GPC6: variants seen among roughly 807,000 people sequenced by gnomAD.
The protein encoded by GPC6 is glypican-6.
In GPC6, 14 loss-of-function variants were observed where a neutral mutation model predicts 55.2. That is an observed-to-expected ratio of 0.25 (90% CI 0.17 to 0.40). GPC6 has a LOEUF of 0.40. Among genes scored for constraint, GPC6 ranks in the 10% least tolerant of loss-of-function variants. The pLI is 1.00. For synonymous variants in GPC6, 278 were observed against 259.6 expected (o/e 1.07, Z -0.68); for missense variants, 641 against 708.5 (o/e 0.90, Z 1.08).
At chr13:93,943,102 C>T (rs909727970) in intron 3 of GPC6, among the ~76,000 whole-genome samples, 1 of 152,106 alleles carries the variant, frequency 6.6e-6, no homozygotes, top group South Asian at 2.1e-4. Context: ...CAGTGTCTTT[C>T]CATTCAGCTA....
chr13:94,174,143 T>G (rs1403595211), intron 4 of GPC6, among the ~76,000 whole-genome samples: 1 of 152,088 alleles, frequency 6.6e-6, no homozygotes, highest in Admixed American at 6.6e-5. Flanking sequence ...ATTACTAAAT[T>G]TTGCACCATG....
chr13:93,222,289 A>G (rs1197515563), upstream of GPC6, among the ~76,000 whole-genome samples: 1 of 152,226 alleles, frequency 6.6e-6, no homozygotes, highest in East Asian at 1.9e-4. Context: ...AAGAGAAAAA[A>G]AATTTAAAAT....
chr13:93,794,976 C>G (rs1886154100), intron 2 of GPC6, among the ~76,000 whole-genome samples: 1 of 152,170 alleles, frequency 6.6e-6, no homozygotes. Context: ...ATGGTAGCCA[C>G]TCTATGGCAA....
chr13:93,410,395 G>A (rs1876451072), intron 1 of GPC6, among the ~76,000 whole-genome samples: 3 of 152,114 alleles, frequency 2.0e-5, no homozygotes, highest in African/African-American at 7.2e-5. Flanking sequence ...AAGTTGAAGA[G>A]CAGCTGGTAA....
intron 2 of GPC6, among the ~76,000 whole-genome samples, chr13:93,676,125 AAATATATATATATATATAT>A (rs1451328536): frequency 0.014 from 476 of 33,996 alleles, 17 homozygotes; most frequent in African/African-American, 0.068. Context: ...AAAAAAAAAA[AAATATATATATATATATAT>A]ATATATATAT....
chr13:93,702,409 G>A (rs1249540613), intron 2 of GPC6, among the ~76,000 whole-genome samples: 2 of 151,986 alleles, frequency 1.3e-5, no homozygotes, highest in East Asian at 1.9e-4. Flanking sequence ...CACAGACAGT[G>A]TAAAGTTAGC....
chr13:93,401,122 G>A (rs1178814112), intron 1 of GPC6, among the ~76,000 whole-genome samples: 8 of 151,438 alleles, frequency 5.3e-5, no homozygotes, highest in Admixed American at 3.3e-4. Flanking sequence ...CAGAAATCAG[G>A]CATTATGAAG....
chr13:93,991,945 G>A (rs1881327953), intron 3 of GPC6, among the ~76,000 whole-genome samples: 2 of 151,908 alleles, frequency 1.3e-5, no homozygotes, highest in Non-Finnish European at 2.9e-5. Flanking sequence ...AACTAGCTTT[G>A]TGTATTTCCA....
At chr13:94,269,048 A>C (rs1388104163) in intron 4 of GPC6, among the ~76,000 whole-genome samples, 3 of 152,098 alleles carry the variant, frequency 2.0e-5, no homozygotes, top group Non-Finnish European at 4.4e-5. Context: ...TATTTTTTTC[A>C]AAATGAGGCG....
intron 4 of GPC6, among the ~76,000 whole-genome samples, chr13:94,084,586 T>TA (rs11310441): frequency 3.7e-4 from 56 of 151,418 alleles, no homozygotes; most frequent in African/African-American, 1.2e-3. Context: ...CTATTTGTGA[T>TA]AAAAAAAAAA....
chr13:94,372,068 C>A (rs1879570664), intron 6 of GPC6, among the ~76,000 whole-genome samples: 1 of 151,960 alleles, frequency 6.6e-6, no homozygotes, highest in Admixed American at 6.6e-5. Context: ...TTCCTTCCCT[C>A]CCTCCTTCCT....
intron 3 of GPC6, among the ~76,000 whole-genome samples, chr13:93,879,836 A>G (rs1268384606): frequency 1.3e-5 from 2 of 152,142 alleles, no homozygotes; most frequent in African/African-American, 2.4e-5. Context: ...GCTAATATCC[A>G]GAATCTACAA....
chr13:94,208,075 G>C (rs1217764350), intron 4 of GPC6, among the ~76,000 whole-genome samples: 1 of 152,144 alleles, frequency 6.6e-6, no homozygotes, highest in East Asian at 1.9e-4. Context: ...TCATTTTTCT[G>C]GCATTACTAG....
intron 3 of GPC6, among the ~76,000 whole-genome samples, chr13:93,943,411 G>T (rs549637056): frequency 6.6e-6 from 1 of 152,076 alleles, no homozygotes; most frequent in Non-Finnish European, 1.5e-5. Context: ...AGCTAGAAAT[G>T]TATATCCCTC....
rs1025619867 is a variant in GPC6 at position 93,492,311 on chromosome 13, G to A, written c.161-52952G>A. On this transcript the variant is annotated intron_variant, in intron 1 of 8. Transcript: ENST00000377047. ...GTGAATGGGAGTTCACTCATGATTTGGCTCTCTGTTTGTCTGTTGTTGGTG... is the reference window on the plus strand; with the variant it reads ...GTGAATGGGAGTTCACTCATGATTTAGCTCTCTGTTTGTCTGTTGTTGGTG... 5.2e-4 allele frequency among the ~76,000 whole-genome samples: 72 copies of A among 138,932 alleles called. 1 individual carries two copies. The East Asian group carries it at 0.015, about 29-fold the overall frequency. The allele number at this position is 138,932 out of a possible 152,430, so 91.1% of individuals were successfully genotyped here. A position where few individuals can be genotyped will look rare whatever the true frequency, so the allele number is the denominator to read the frequency against.
chr13:94,323,817 G>T (rs1011653454), intron 6 of GPC6, among the ~76,000 whole-genome samples: 2 of 152,132 alleles, frequency 1.3e-5, no homozygotes, highest in Non-Finnish European at 2.9e-5. Flanking sequence ...TTTTTTAAAA[G>T]ATTTTTCATT....
intron 3 of GPC6, among the ~76,000 whole-genome samples, chr13:93,873,995 A>G (rs1242125724): frequency 1.3e-5 from 2 of 151,864 alleles, no homozygotes; most frequent in Non-Finnish European, 2.9e-5. Flanking sequence ...GTAGCCTCCT[A>G]TCTGGTCTCC....
At chr13:93,502,704 A>C (rs1221886156) in intron 1 of GPC6, among the ~76,000 whole-genome samples, 1 of 152,212 alleles carries the variant, frequency 6.6e-6, no homozygotes, top group African/African-American at 2.4e-5. Flanking sequence ...TATTATTATC[A>C]TGCTTTCTGC....
intron 1 of GPC6, among the ~76,000 whole-genome samples, chr13:93,363,330 T>C (rs1566318030): frequency 7.0e-6 from 1 of 142,778 alleles, no homozygotes; most frequent in Non-Finnish European, 1.5e-5. Flanking sequence ...TTCCCCTTCC[T>C]GTGTCCATGT....
Sources: allele counts gnomAD v4.1 joint callset (sites outside exome capture counted in the v4.1 genomes callset), GRCh38; gene constraint gnomAD v4.1.1; transcripts MANE v1.5; gene names NCBI Gene and HGNC (gene_info 2026-07-23, HGNC 2026-07-21).